PCDHGB5: variants seen among roughly 807,000 people sequenced by gnomAD.
The protein encoded by PCDHGB5 is protocadherin gamma-B5.
PCDHGB5 carries 48 observed loss-of-function variants against 62.9 expected under a neutral mutation model. The ratio of observed to expected loss-of-function variants is 0.76; its 90% CI spans 0.61 to 0.97. PCDHGB5 has a LOEUF of 0.97. PCDHGB5 is among the 50% of genes least tolerant of loss of function. The pLI, the probability that PCDHGB5 is intolerant of heterozygous loss-of-function variation, is 0.00. For missense variants in PCDHGB5, 1,118 were observed against 1,198.6 expected (o/e 0.93, Z 0.99); for synonymous variants, 474 against 511.2 (o/e 0.93, Z 0.98).
chr5:141,490,454 CG>C lies in PCDHGB5; in HGVS notation c.2398-4352del. ...ATTAAGCCTTCTGAGAACCACTACT[CG>C]CTGCTAACCAGCCAGCCTTTGGACC... On this transcript the variant is annotated intron_variant, in intron 1 of 3. Coordinates refer to ENST00000617380, the MANE Select transcript of PCDHGB5 (RefSeq NM_018925.3). This position sits in a 1 kb window ranked among gnomAD's most constrained non-coding sequence, Gnocchi z 5.4. The C allele has an allele frequency of 1.2e-6, 2 of 1,614,176 alleles. No individual in the cohort carries two copies. Among genetic ancestry groups the C allele is most frequent in the Non-Finnish European group, 1.7e-6 (2 of 1,180,020 alleles).
At chr5:141,495,463 G>T (rs1562169154) in intron 2 of PCDHGB5, among the ~76,000 whole-genome samples, 1 of 152,114 alleles carries the variant, frequency 6.6e-6, no homozygotes, top group Non-Finnish European at 1.5e-5. Context: ...TCTGTCTGTG[G>T]GGTCTCCGTG....
At chr5:141,503,116 A>G (rs1303445673) in intron 2 of PCDHGB5, among the ~76,000 whole-genome samples, 11 of 151,656 alleles carry the variant, frequency 7.3e-5, no homozygotes, top group Admixed American at 4.6e-4. Flanking sequence ...GCCTCTCTTC[A>G]TACCCTCTGG....
At chr5:141,488,660 G>A (rs1274725688) in intron 1 of PCDHGB5, among the ~76,000 whole-genome samples, 1 of 152,148 alleles carries the variant, frequency 6.6e-6, no homozygotes, top group East Asian at 1.9e-4. Flanking sequence ...GGGAGGGTGG[G>A]GGAATACATG....
intron 1 of PCDHGB5, chr5:141,415,314 C>G (rs375384840): frequency 1.9e-6 from 3 of 1,614,238 alleles, no homozygotes; most frequent in South Asian, 1.1e-5. Context: ...CCTTCGTCAT[C>G]GTGCTGCTGG....
chr5:141,487,423 C>T lies in PCDHGB5; in HGVS notation c.2398-7384C>T. 1 of 1,614,158 alleles carries T rather than the reference C, an allele frequency of 6.2e-7. No homozygotes were observed. Among genetic ancestry groups the T allele is most frequent in the Non-Finnish European group, 8.5e-7 (1 of 1,180,012 alleles). On this transcript the variant is annotated intron_variant, in intron 1 of 3. Transcript: ENST00000617380. The surrounding 1 kb of genome is among the most constrained non-coding windows in gnomAD (Gnocchi z 5.0). ...GGCTTCCCCCTTCCAATGGGATCCTCCGAATCCAGCTAGGGTCAGATGACC... is the reference window on the plus strand; with the variant it reads ...GGCTTCCCCCTTCCAATGGGATCCTTCGAATCCAGCTAGGGTCAGATGACC...
At chr5:141,498,073 T>C (rs1474889879) in intron 2 of PCDHGB5, among the ~76,000 whole-genome samples, 1 of 152,214 alleles carries the variant, frequency 6.6e-6, no homozygotes, top group Non-Finnish European at 1.5e-5. Context: ...CTGTCATAAG[T>C]GCTAGGTAGA....
intron 1 of PCDHGB5, chr5:141,441,697 C>T: frequency 6.5e-6 from 2 of 307,306 alleles, no homozygotes; most frequent in Non-Finnish European, 1.3e-5. Flanking sequence ...CAGCCGCGAG[C>T]CTTCAAGCTC....
At chr5:141,426,492 T>A (rs1439487321) in intron 1 of PCDHGB5, 11 of 336,712 alleles carry the variant, frequency 3.3e-5, no homozygotes, top group South Asian at 2.6e-4. Flanking sequence ...TTAGAGTTAG[T>A]GCAGAGAAAC....
chr5:141,474,837 C>T (rs1250443544), intron 1 of PCDHGB5, among the ~76,000 whole-genome samples: 2 of 152,214 alleles, frequency 1.3e-5, no homozygotes, highest in Admixed American at 6.5e-5. Flanking sequence ...CTGTGCCAGG[C>T]ACTTTACCTG....
intron 1 of PCDHGB5, among the ~76,000 whole-genome samples, chr5:141,492,103 T>G (rs1458656062): frequency 6.6e-6 from 1 of 152,134 alleles, no homozygotes; most frequent in Non-Finnish European, 1.5e-5. Flanking sequence ...GTCTGTAGAT[T>G]TCCTCTTCGA....
chr5:141,415,107 A>T, intron 1 of PCDHGB5: 1 of 1,613,624 alleles, frequency 6.2e-7, no homozygotes, highest in Non-Finnish European at 8.5e-7. Flanking sequence ...CGCTCAAGCA[A>T]AGCCTCGTAG....
At chr5:141,482,530 C>CAAAAAAAAAAAA (rs3074545) in intron 1 of PCDHGB5, among the ~76,000 whole-genome samples, 11 of 76,552 alleles carry the variant, frequency 1.4e-4, no homozygotes, top group African/African-American at 2.9e-4. Flanking sequence ...GACAGACATG[C>CAAAAAAAAAAAA]AAAAAAAAAA....
intron 1 of PCDHGB5, chr5:141,407,957 G>C (rs1166490050): frequency 1.5e-6 from 1 of 660,376 alleles, no homozygotes; most frequent in African/African-American, 1.8e-5. Flanking sequence ...GGCCAGTGCA[G>C]AGCAAGCGCT....
At chr5:141,460,122 G>A (rs530307574) in intron 1 of PCDHGB5, among the ~76,000 whole-genome samples, 2 of 151,928 alleles carry the variant, frequency 1.3e-5, no homozygotes, top group African/African-American at 4.8e-5. Flanking sequence ...TTTTATATAT[G>A]TAATATATAT....
chr5:141,490,106 T>C lies in PCDHGB5; in HGVS notation c.2398-4701T>C, dbSNP rs1314489019. On this transcript the variant is annotated intron_variant, in intron 1 of 3. Coordinates refer to ENST00000617380, the MANE Select transcript of PCDHGB5 (RefSeq NM_018925.3). The surrounding 1 kb of genome is among the most constrained non-coding windows in gnomAD (Gnocchi z 5.4). ...TTTGGAGACCACACATCTGAGGCAG[T>C]GCGGAACCTCTTTGGCCTAGACCCT... 2.5e-6 allele frequency: 4 copies of C among 1,614,246 alleles called. No homozygotes were observed. Among genetic ancestry groups the C allele is most frequent in the South Asian group, 1.1e-5 (1 of 91,086 alleles).
intron 3 of PCDHGB5, among the ~76,000 whole-genome samples, chr5:141,507,861 C>T (rs538942097): frequency 7.0e-4 from 106 of 152,306 alleles, no homozygotes; most frequent in African/African-American, 2.5e-3. Flanking sequence ...CTTTCACACC[C>T]GCTTCCTAGC....
At chr5:141,419,796 T>A in intron 1 of PCDHGB5, 1 of 1,614,026 alleles carries the variant, frequency 6.2e-7, no homozygotes. Flanking sequence ...CTAGTCGCTG[T>A]AAGAGATGGA....
chr5:141,418,224 T>C (rs756997971), intron 1 of PCDHGB5: 1 of 1,613,998 alleles, frequency 6.2e-7, no homozygotes, highest in Non-Finnish European at 8.5e-7. Flanking sequence ...GTCATTGTGG[T>C]GATTGAGGAT....
At chr5:141,412,876 A>T (rs1206092699) in intron 1 of PCDHGB5, 2 of 281,096 alleles carry the variant, frequency 7.1e-6, no homozygotes, top group Admixed American at 4.9e-5. Flanking sequence ...AAATATAATA[A>T]TCCAACAGAA....
Sources: allele counts gnomAD v4.1 joint callset (sites outside exome capture counted in the v4.1 genomes callset), GRCh38; gene constraint gnomAD v4.1.1; non-coding constraint Gnocchi (gnomAD v3.1); transcripts MANE v1.5; gene names NCBI Gene and HGNC (gene_info 2026-07-23, HGNC 2026-07-21).